CPNE4: variants seen among roughly 807,000 people sequenced by gnomAD.
CPNE4 encodes the protein copine-4.
CPNE4 carries 25 observed loss-of-function variants against 67.9 expected under a neutral mutation model. That is an observed-to-expected ratio of 0.37 (90% CI 0.27 to 0.51). CPNE4 has a LOEUF of 0.51. Ranked by LOEUF, CPNE4 falls within the 20% of genes least tolerant of loss-of-function variation. CPNE4 has a pLI of 0.93. For synonymous variants in CPNE4, 242 were observed against 244.9 expected, an observed-to-expected ratio of 0.99 and a Z score of 0.11; for missense variants, 464 against 690.8, an observed-to-expected ratio of 0.67 and a Z score of 3.68.
intron 6 of CPNE4, among the ~76,000 whole-genome samples, chr3:131,670,055 G>C (rs929348687): frequency 5.1e-4 from 78 of 152,306 alleles, no homozygotes; most frequent in African/African-American, 1.8e-3. Flanking sequence ...ATCAAAAGGA[G>C]TTGAAATTAA....
chr3:131,665,695 A>AAAC (rs1348326296), intron 7 of CPNE4, among the ~76,000 whole-genome samples: 13 of 152,072 alleles, frequency 8.5e-5, no homozygotes, highest in African/African-American at 2.4e-4. Flanking sequence ...AAAAAACAGA[A>AAAC]AGAAAAGAGA....
At chr3:131,977,533 T>G (rs55816711) in intron 1 of CPNE4, among the ~76,000 whole-genome samples, 16,966 of 151,856 alleles carry the variant, frequency 0.11, 2,989 homozygotes, top group African/African-American at 0.37. Flanking sequence ...TCTAGCCACC[T>G]CCCATACCAT....
intron 14 of CPNE4, among the ~76,000 whole-genome samples, chr3:131,547,646 G>A (rs1935945053): frequency 6.6e-6 from 1 of 152,060 alleles, no homozygotes; most frequent in East Asian, 1.9e-4. Flanking sequence ...CTTACAGAGT[G>A]TCTCTGCCCA....
chr3:131,953,258 A>AAAAAT (rs2071834074), intron 1 of CPNE4, among the ~76,000 whole-genome samples: 1 of 136,278 alleles, frequency 7.3e-6, no homozygotes, highest in African/African-American at 2.5e-5. Context: ...AAAAAAAAAA[A>AAAAAT]AAAAAAAAGA....
chr3:131,687,060 G>C (rs1163387795), intron 5 of CPNE4, among the ~76,000 whole-genome samples: 1 of 152,170 alleles, frequency 6.6e-6, no homozygotes, highest in African/African-American at 2.4e-5. Context: ...AATCTGCACA[G>C]AATGTCTTAA....
At chr3:132,010,208 T>C (rs2073719171) in intron 1 of CPNE4, among the ~76,000 whole-genome samples, 1 of 152,180 alleles carries the variant, frequency 6.6e-6, no homozygotes, top group Non-Finnish European at 1.5e-5. Context: ...TTTGGCCAAA[T>C]GCAGACAGAA....
upstream of CPNE4, chr3:132,037,858 C>A (rs1011545508): frequency 4.7e-6 from 2 of 422,050 alleles, no homozygotes; most frequent in South Asian, 4.5e-5. Flanking sequence ...GCAGTTGATA[C>A]CATTTTTTAA....
At chr3:131,650,418 A>G (rs2079778847) in intron 7 of CPNE4, among the ~76,000 whole-genome samples, 1 of 152,182 alleles carries the variant, frequency 6.6e-6, no homozygotes, top group Non-Finnish European at 1.5e-5. Context: ...GGAAGAAACT[A>G]TAAGCACTTT....
At chr3:131,652,542 T>C (rs1310366669) in intron 7 of CPNE4, among the ~76,000 whole-genome samples, 2 of 152,182 alleles carry the variant, frequency 1.3e-5, no homozygotes, top group African/African-American at 2.4e-5. Context: ...TTATTAAAAA[T>C]GTGTGTGTGA....
rs571021135 is a variant in CPNE4 at position 131,888,378 on chromosome 3, T to C, written c.180+16886A>G. ...GATACACAGTTTCAAGACCATAATC[T>C]TTCAACAGGAACTAGTCTTTGGGTT... On this transcript the variant is annotated intron_variant, in intron 2 of 15. Transcript: ENST00000429747. Among the ~76,000 whole-genome samples, 282 of 150,806 alleles carry C rather than the reference T, an allele frequency of 1.9e-3. 1 individual carries two copies. Among genetic ancestry groups the C allele is most frequent in the African/African-American group, 6.4e-3 (263 of 41,346 alleles).
At chr3:132,019,384 A>C (rs2073947768) in intron 1 of CPNE4, among the ~76,000 whole-genome samples, 2 of 152,212 alleles carry the variant, frequency 1.3e-5, no homozygotes, top group South Asian at 4.1e-4. Flanking sequence ...GGTGAGTAAG[A>C]GAAACAGTCA....
intron 7 of CPNE4, among the ~76,000 whole-genome samples, chr3:131,608,358 A>T (rs1037951269): frequency 6.6e-6 from 1 of 152,092 alleles, no homozygotes; most frequent in Non-Finnish European, 1.5e-5. Context: ...TAGCAATCTG[A>T]CTGAGCCAGG....
At chr3:131,733,471 A>G (rs1560203044) in intron 2 of CPNE4, among the ~76,000 whole-genome samples, 1 of 152,240 alleles carries the variant, frequency 6.6e-6, no homozygotes, top group Non-Finnish European at 1.5e-5. Flanking sequence ...AGAGGACAAG[A>G]TATGATTCTA....
At chr3:131,685,835 T>C in intron 6 of CPNE4, 40 bp downstream of exon 6, 1 of 1,305,394 alleles carries the variant, frequency 7.7e-7, no homozygotes, top group South Asian at 1.2e-5. Flanking sequence ...TTTATCATCA[T>C]CTTAGGAGAT....
rs529255964 is a variant in CPNE4, at chr3:132,003,199, A to G, written c.-2+31368T>C. ...CATTGAATGTACACACTACATTCAT[A>G]TGCATGTGAATTGACATGGATCACA... On this transcript the variant is annotated intron_variant, in intron 1 of 15. Transcript: ENST00000429747. 4.9e-4 allele frequency among the ~76,000 whole-genome samples: 74 copies of G among 152,248 alleles called. No individual in the cohort carries two copies. The South Asian group carries it at 0.014, about 30-fold the overall frequency.
At chr3:131,665,749 G>T (rs2080244769) in intron 7 of CPNE4, among the ~76,000 whole-genome samples, 1 of 151,920 alleles carries the variant, frequency 6.6e-6, no homozygotes, top group Admixed American at 6.6e-5. Flanking sequence ...AACAATAAGA[G>T]AACAAATATT....
intron 2 of CPNE4, among the ~76,000 whole-genome samples, chr3:131,830,747 G>A (rs763869952): frequency 7.2e-5 from 11 of 151,792 alleles, no homozygotes; most frequent in Non-Finnish European, 1.2e-4. Context: ...TTCTACAAAG[G>A]CAAGCTTCAT....
chr3:132,017,338 G>A (rs931263564), intron 1 of CPNE4: 2 of 150,398 alleles, frequency 1.3e-5, no homozygotes, highest in African/African-American at 4.9e-5. Context: ...ATAGAAGGAA[G>A]GAAGGATGGA....
chr3:131,654,405 T>C (rs901236305), intron 7 of CPNE4, among the ~76,000 whole-genome samples: 1 of 152,150 alleles, frequency 6.6e-6, no homozygotes, highest in Admixed American at 6.5e-5. Flanking sequence ...CTGTACCCTC[T>C]ACCCTCAGGT....
Sources: gnomAD v4.1 joint callset for allele counts (sites outside exome capture counted in the v4.1 genomes callset) on GRCh38, gnomAD v4.1.1 for gene constraint, MANE v1.5 for transcripts, NCBI Gene and HGNC (gene_info 2026-07-23, HGNC 2026-07-21) for gene names.